The following DNAJC6 variants were observed in gnomAD, a reference collection of about 807,000 sequenced individuals.
DNAJC6 encodes the protein auxilin.
A neutral mutation model predicts 110.0 loss-of-function variants in DNAJC6; 34 were observed. The observed-to-expected ratio is 0.31, with a 90% CI of 0.24 to 0.41. The LOEUF (loss-of-function observed/expected upper bound fraction) is 0.41. Ranked by LOEUF, DNAJC6 falls within the 10% of genes least tolerant of loss-of-function variation. DNAJC6 has a pLI of 1.00. For missense variants in DNAJC6, 1,031 were observed against 1,207.8 expected, an observed-to-expected ratio of 0.85 and a Z score of 2.17; for synonymous variants, 406 against 437.2, an observed-to-expected ratio of 0.93 and a Z score of 0.89.
intron 1 of DNAJC6, among the ~76,000 whole-genome samples, chr1:65,322,666 A>T (rs1645207642): frequency 6.6e-6 from 1 of 152,220 alleles, no homozygotes; most frequent in South Asian, 2.1e-4. Context: ...AGTTCACATT[A>T]TGATAGATCC....
chr1:65,296,650 C>T (rs1173530381), intron 1 of DNAJC6, among the ~76,000 whole-genome samples: 1 of 146,734 alleles, frequency 6.8e-6, no homozygotes, highest in Non-Finnish European at 1.5e-5. Flanking sequence ...TGCAGTGGCG[C>T]GATCTTAGCT....
At chr1:65,316,745 C>G (rs1645152332) in intron 1 of DNAJC6, among the ~76,000 whole-genome samples, 1 of 152,116 alleles carries the variant, frequency 6.6e-6, no homozygotes, top group African/African-American at 2.4e-5. Context: ...TAGACCAATT[C>G]AGTAATGAGC....
chr1:65,291,570 T>G (rs189595135), intron 1 of DNAJC6, among the ~76,000 whole-genome samples: 1 of 152,190 alleles, frequency 6.6e-6, no homozygotes, highest in Non-Finnish European at 1.5e-5. Flanking sequence ...GAATTTAAAA[T>G]AAAATGTGAA....
In DNAJC6 at chr1:65,392,429, AG is replaced by A; in HGVS notation, c.1469-1del. 6.3e-7 allele frequency: 1 copy of A among 1,587,406 alleles called. No individual in the cohort carries two copies. Among genetic ancestry groups the A allele is most frequent in the Non-Finnish European group, 8.6e-7 (1 of 1,165,960 alleles). On this transcript the variant is annotated splice_acceptor_variant, in intron 11 of 18. Coordinates refer to ENST00000371069, the MANE Select transcript of DNAJC6 (RefSeq NM_001256864.2). LOFTEE classifies it high-confidence loss of function. The stretch of plus-strand genomic sequence containing the variant: ...CTCTTATGGTATACTGGCCTTCCTC[AG>A]ATCAGAAATCGGAGAAGTCATTCTG...
At chr1:65,399,769 A>T (rs1557563109) in intron 14 of DNAJC6, among the ~76,000 whole-genome samples, 2 of 152,182 alleles carry the variant, frequency 1.3e-5, no homozygotes, top group Non-Finnish European at 2.9e-5. Flanking sequence ...TATACCTCCC[A>T]TAAGTAGAAT....
rs754216239 is a variant in DNAJC6, at chr1:65,385,778, A to G, written c.867A>G (p.Thr289=). The G allele has an allele frequency of 4.3e-6, 7 of 1,614,120 alleles. No individual in the cohort carries two copies. The Admixed American group carries it at 1.2e-4, about 27-fold the overall frequency. ...KPYRPHFKPL[T]IKSITVSPIP... ...ACCGCCCTCACTTCAAGCCTCTCAC[A>G]ATTAAGTCGATCACTGTCAGTCCAA... The change falls in exon 7 of 19, where the codon ACA becomes ACG. Residue 289 remains threonine (T), a synonymous_variant. Coordinates refer to ENST00000371069, the MANE Select transcript of DNAJC6 (RefSeq NM_001256864.2).
chr1:65,284,980 G>A (rs1392486167), intron 1 of DNAJC6, among the ~76,000 whole-genome samples: 8 of 152,086 alleles, frequency 5.3e-5, no homozygotes, highest in Admixed American at 2.0e-4. Flanking sequence ...GAGCCACTGC[G>A]CCTGGCTGAC....
chr1:65,300,058 A>AAG (rs1644964345), intron 1 of DNAJC6, among the ~76,000 whole-genome samples: 1 of 150,972 alleles, frequency 6.6e-6, no homozygotes, highest in African/African-American at 2.4e-5. Flanking sequence ...AAAAAAAAAA[A>AAG]AAAAAGAAAA....
At chr1:65,356,556 T>G (rs1045310971) in intron 1 of DNAJC6, among the ~76,000 whole-genome samples, 6 of 142,950 alleles carry the variant, frequency 4.2e-5, no homozygotes, top group African/African-American at 1.6e-4. Context: ...AGAATGATAC[T>G]CTGTCTCAAA....
intron 1 of DNAJC6, among the ~76,000 whole-genome samples, chr1:65,299,742 A>AT: frequency 6.6e-6 from 1 of 152,222 alleles, no homozygotes; most frequent in Non-Finnish European, 1.5e-5. Context: ...CCCAGTAAAT[A>AT]TTTTTGTAAA....
chr1:65,372,021 A>G (rs1016386332), intron 4 of DNAJC6, among the ~76,000 whole-genome samples: 2 of 152,160 alleles, frequency 1.3e-5, no homozygotes, highest in Non-Finnish European at 2.9e-5. Flanking sequence ...ATATATAATT[A>G]TGGAGTACTT....
intron 1 of DNAJC6, among the ~76,000 whole-genome samples, chr1:65,273,843 T>C (rs1653582671): frequency 6.6e-6 from 1 of 152,180 alleles, no homozygotes; most frequent in South Asian, 2.1e-4. Flanking sequence ...GAATATATTT[T>C]GGATGACTTG....
Position 65,284,632 on chromosome 1 carries a change from C to T in DNAJC6, c.-131+19700C>T, listed in dbSNP as rs150125129. ...GGCCCCTCTTCTTCACACTACCCCT[C>T]AGTAGTGTTTTCCCCAAATTTTGGA... On this transcript the variant is annotated intron_variant, in intron 1 of 19. Coordinates refer to the DNAJC6 transcript ENST00000263441. Among the ~76,000 whole-genome samples, 1,152 of 152,126 alleles carry T rather than the reference C, an allele frequency of 7.6e-3. 8 individuals are homozygous for T. The highest frequency in any genetic ancestry group is 0.045 in the Middle Eastern group (13 of 292).
chr1:65,364,863 G>T (rs997568641), intron 2 of DNAJC6, 78 bp downstream of exon 2: 6 of 1,535,550 alleles, frequency 3.9e-6, no homozygotes, highest in Non-Finnish European at 5.3e-6. Context: ...CTGCTTGTCT[G>T]GCTCAAAGAG....
intron 1 of DNAJC6, among the ~76,000 whole-genome samples, chr1:65,331,710 C>T (rs1645289914): frequency 6.6e-6 from 1 of 152,184 alleles, no homozygotes; most frequent in Admixed American, 6.5e-5. Flanking sequence ...AGGTTATGAG[C>T]CCCAAGTTGA....
At chr1:65,301,657 C>T (rs995699946) in intron 1 of DNAJC6, among the ~76,000 whole-genome samples, 1 of 152,036 alleles carries the variant, frequency 6.6e-6, no homozygotes, top group Non-Finnish European at 1.5e-5. Context: ...GCTGCCATGC[C>T]CTCTCTGGGT....
chr1:65,265,308 G>T (rs1618706), intron 1 of DNAJC6, among the ~76,000 whole-genome samples: 103,496 of 152,056 alleles, frequency 0.68, 35,965 homozygotes, highest in South Asian at 0.87. Context: ...AATGCATTAT[G>T]AGAATTGGAA....
chr1:65,413,103 G>A lies in DNAJC6; in HGVS notation c.*78G>A. On this transcript the variant is annotated 3_prime_UTR_variant, in exon 19 of 19. Transcript: ENST00000371069. ...TCACAATTCTGAGGTTTTCGCAGAT[G>A]AACCAAAAACTCCAGTAACATGTTT... is the stretch of plus-strand genomic sequence containing the variant. 1 of 1,294,600 alleles carries A rather than the reference G, an allele frequency of 7.7e-7. No individual in the cohort carries two copies. The highest frequency in any genetic ancestry group is 1.1e-6 in the Non-Finnish European group (1 of 914,346). 80.2% of individuals were successfully genotyped at this position (1,294,600 alleles called of 1,614,324 possible).
At chr1:65,354,680 T>C (rs1028572403) in intron 1 of DNAJC6, among the ~76,000 whole-genome samples, 3 of 152,192 alleles carry the variant, frequency 2.0e-5, no homozygotes, top group African/African-American at 7.2e-5. Flanking sequence ...TGTGTGCACG[T>C]ACAGATTTCA....
Sources: allele counts gnomAD v4.1 joint callset (sites outside exome capture counted in the v4.1 genomes callset), GRCh38; gene constraint gnomAD v4.1.1; transcripts MANE v1.5; gene names NCBI Gene and HGNC (gene_info 2026-07-23, HGNC 2026-07-21).